The following COMMD8 variants were observed in gnomAD, a reference collection of about 807,000 sequenced individuals.
COMMD8 encodes the protein COMM domain containing 8.
COMMD8 carries 28 observed loss-of-function variants against 27.2 expected under a neutral mutation model. That is an observed-to-expected ratio of 1.03 (90% CI 0.76 to 1.41). The LOEUF (loss-of-function observed/expected upper bound fraction) is 1.41. Among genes scored for constraint, COMMD8 ranks in the 40% most tolerant of loss-of-function variants. COMMD8 has a pLI of 0.00. For synonymous variants in COMMD8, 79 were observed against 75.5 expected, an observed-to-expected ratio of 1.05 and a Z score of -0.24; for missense variants, 217 against 211.2, an observed-to-expected ratio of 1.03 and a Z score of -0.17.
At chr4:47,459,864 T>C (rs542685735) in intron 2 of COMMD8, 11 of 255,278 alleles carry the variant, frequency 4.3e-5, no homozygotes, top group East Asian at 8.6e-5. Flanking sequence ...AACACACACA[T>C]TGCAAAATGT....
intron 4 of COMMD8, 123 bp from the exon 5 acceptor site, chr4:47,451,788 G>A: frequency 3.2e-6 from 2 of 634,304 alleles, no homozygotes; most frequent in Non-Finnish European, 5.4e-6. Flanking sequence ...CAAGTACAAT[G>A]CACAGTAACT....
intron 3 of COMMD8, among the ~76,000 whole-genome samples, chr4:47,454,389 A>G (rs187024697): frequency 3.3e-5 from 5 of 152,254 alleles, no homozygotes; most frequent in African/African-American, 9.6e-5. Flanking sequence ...TTCCAGGTAC[A>G]TGGTCTCAGT....
chr4:47,460,298 A>T lies in COMMD8; in HGVS notation c.68T>A (p.Leu23His). 1 of 1,609,792 alleles carries T rather than the reference A, an allele frequency of 6.2e-7. No individual in the cohort carries two copies. The highest frequency in any genetic ancestry group is 1.3e-5 in the African/African-American group (1 of 74,904). ...AATGCCATCAATTATTTTGTGAAGA[A>T]GCTAGCAAGAAAAAAGGAAATAAAT... Reference protein sequence around the residue: ...QKLPAELGPQLLHKIIDGICG... With the variant: ...QKLPAELGPQHLHKIIDGICG... The change falls in exon 2 of 5, where the codon CTT becomes CAT. Residue 23 changes from leucine to histidine, a missense_variant and splice_region_variant. Physicochemically the swap from Leu to His is moderately conservative, Grantham distance 99. Transcript: ENST00000381571.
At chr4:47,456,539 A>C (rs1482557372) in intron 3 of COMMD8, 38 bp downstream of exon 3, 9 of 1,470,828 alleles carry the variant, frequency 6.1e-6, no homozygotes, top group Non-Finnish European at 6.3e-6. Context: ...TATATCCAAA[A>C]AATGAAATAA....
intron 2 of COMMD8, 43 bp from the exon 3 acceptor site, chr4:47,456,772 T>C (rs762860605): frequency 4.1e-6 from 6 of 1,474,302 alleles, no homozygotes; most frequent in Admixed American, 4.9e-5. Context: ...CTGTTTAAAA[T>C]GTAAAAACAC....
In COMMD8 at chr4:47,451,754, A is replaced by G. The variant is rs977006630; in HGVS notation, c.532-89T>C. On this transcript the variant is annotated intron_variant, in intron 4 of 4. Coordinates refer to ENST00000381571, the MANE Select transcript of COMMD8 (RefSeq NM_017845.5). ...TTAAATGCTTTGAAGTCTCTGAAAA[A>G]GGGCATGGAGAACTCATAACAAGCA... The G allele has an allele frequency of 8.3e-6, 8 of 960,616 alleles. 1 individual carries two copies. The South Asian group carries it at 1.0e-4, about 12-fold the overall frequency. 59.5% of individuals were successfully genotyped at this position (960,616 alleles called of 1,614,324 possible).
chr4:47,452,578 T>C (rs1729780554), intron 4 of COMMD8, among the ~76,000 whole-genome samples: 1 of 152,212 alleles, frequency 6.6e-6, no homozygotes, highest in Admixed American at 6.5e-5. Flanking sequence ...TTACAAGTTA[T>C]AATTAATATC....
intron 3 of COMMD8, among the ~76,000 whole-genome samples, chr4:47,456,262 TTATACATATATATATATATATA>T (rs1729881853): frequency 1.2e-5 from 1 of 80,850 alleles, no homozygotes; most frequent in African/African-American, 4.1e-5. Flanking sequence ...AATAAATAAA[TTATACATATATATATATATATA>T]TATATATATA....
chr4:47,456,994 G>A (rs112702489), intron 2 of COMMD8, among the ~76,000 whole-genome samples: 5 of 152,326 alleles, frequency 3.3e-5, no homozygotes, highest in African/African-American at 9.6e-5. Flanking sequence ...ATACCACCAC[G>A]CAGGGTGAGT....
Position 47,451,520 on chromosome 4 carries a change from T to C in COMMD8, c.*125A>G. The stretch of plus-strand genomic sequence containing the variant: ...TAAATTTTTATCTTTATAATATCAA[T>C]ATTGCTGCTTTCTCAGCCTGGTGCA... On this transcript the variant is annotated 3_prime_UTR_variant, in exon 5 of 5. Transcript: ENST00000381571. 2.8e-6 allele frequency: 2 copies of C among 726,068 alleles called. No homozygotes were observed. The highest frequency in any genetic ancestry group is 2.9e-5 in the East Asian group (1 of 34,270). The allele number at this position is 726,068 out of a possible 1,614,324, so 45.0% of individuals were successfully genotyped here. A position where few individuals can be genotyped will look rare whatever the true frequency, so the allele number is the denominator to read the frequency against.
rs552715232 is a variant in COMMD8 at position 47,451,251 on chromosome 4, T to C, written c.*394A>G. 4.9e-6 allele frequency: 1 copy of C among 202,704 alleles called. No homozygotes were observed. 12.6% of individuals were successfully genotyped at this position (202,704 alleles called of 1,614,324 possible). ...AAAAATATCACAAAGTATATATCCA[T>C]AATATATGTTGCTATTCACACAATT... is the stretch of plus-strand genomic sequence containing the variant. On this transcript the variant is annotated 3_prime_UTR_variant, in exon 5 of 5. Transcript: ENST00000381571.
intron 3 of COMMD8, among the ~76,000 whole-genome samples, chr4:47,454,652 G>A (rs944699228): frequency 3.9e-5 from 6 of 151,922 alleles, no homozygotes; most frequent in Admixed American, 6.6e-5. Context: ...GATCACCTGA[G>A]GTCGGGAGTT....
Position 47,461,502 on chromosome 4 carries a change from C to T in COMMD8, c.67-1203G>A, listed in dbSNP as rs1165429938. Among the ~76,000 whole-genome samples the T allele has an allele frequency of 7.2e-5, 11 of 152,018 alleles. No individual in the cohort carries two copies. In the South Asian group the frequency reaches 2.3e-3, roughly 32 times the overall value. On this transcript the variant is annotated intron_variant, in intron 1 of 4. Coordinates refer to ENST00000381571, the MANE Select transcript of COMMD8 (RefSeq NM_017845.5). ...CATTCAAAATTCTCTACACCTTATC[C>T]TATACTGTCCCCATGCTAAAAAAAA...
intron 3 of COMMD8, among the ~76,000 whole-genome samples, chr4:47,454,815 G>T (rs1729843069): frequency 8.1e-6 from 1 of 123,930 alleles, no homozygotes; most frequent in African/African-American, 3.1e-5. Flanking sequence ...GGTGAGCAGA[G>T]ATCGTGCCAT....
intron 2 of COMMD8, among the ~76,000 whole-genome samples, chr4:47,458,905 G>A (rs1394632232): frequency 1.3e-5 from 2 of 152,062 alleles, no homozygotes; most frequent in African/African-American, 2.4e-5. Flanking sequence ...AGGCAGCACA[G>A]CAATATTGTG....
Position 47,456,562 on chromosome 4 carries a change from C to T in COMMD8, c.375+15G>A. 6.3e-7 allele frequency: 1 copy of T among 1,582,452 alleles called. No homozygotes were observed. The highest frequency in any genetic ancestry group is 2.3e-5 in the East Asian group (1 of 42,952). Reference sequence around the variant, plus strand: ...AAAAATGAAATAAAAAATACACATACTCATAGACTCTTACCTTTACCTGCC... The same window carrying T: ...AAAAATGAAATAAAAAATACACATATTCATAGACTCTTACCTTTACCTGCC... On this transcript the variant is annotated intron_variant, in intron 3 of 4. Coordinates refer to ENST00000381571, the MANE Select transcript of COMMD8 (RefSeq NM_017845.5).
rs1729941836 is a variant in COMMD8, at chr4:47,458,332, A to ATCTCCCCCC, written c.223-1612_223-1604dup. Among the ~76,000 whole-genome samples the ATCTCCCCCC allele has an allele frequency of 2.6e-5, 4 of 152,226 alleles. No homozygotes were observed. In the East Asian group the frequency reaches 7.7e-4, roughly 29 times the overall value. ...TTGAAAAAGAAAATTATTATATACA[A>ATCTCCCCCC]TCTCCCCCCAAAAAATCTGTATACA... On this transcript the variant is annotated intron_variant, in intron 2 of 4. Coordinates refer to ENST00000381571, the MANE Select transcript of COMMD8 (RefSeq NM_017845.5).
chr4:47,454,590 G>T (rs1729836627), intron 3 of COMMD8, among the ~76,000 whole-genome samples: 1 of 152,142 alleles, frequency 6.6e-6, no homozygotes, highest in African/African-American at 2.4e-5. Flanking sequence ...ATTCTGTCAG[G>T]CACAGTGGCT....
rs776662027 is a variant in COMMD8 at position 47,456,589 on chromosome 4, A to G, written c.363T>C (p.Asp121=). The change falls in exon 3 of 5, where the codon GAT becomes GAC. Residue 121 remains aspartate, a synonymous_variant. Coordinates refer to ENST00000381571, the MANE Select transcript of COMMD8 (RefSeq NM_017845.5). The part of the protein sequence containing the change: ...AISSAQLQDF[D]WQVKLALSSD... The stretch of plus-strand genomic sequence containing the variant: ...CATAGACTCTTACCTTTACCTGCCA[A>G]TCAAAATCCTGTAGCTGTGCAGAGG... The G allele has an allele frequency of 5.6e-6, 9 of 1,605,660 alleles. No individual in the cohort carries two copies. The African/African-American group carries it at 8.1e-5, about 14-fold the overall frequency.
Sources: gnomAD v4.1 joint callset for allele counts (sites outside exome capture counted in the v4.1 genomes callset) on GRCh38, gnomAD v4.1.1 for gene constraint, MANE v1.5 for transcripts, NCBI Gene and HGNC (gene_info 2026-07-23, HGNC 2026-07-21) for gene names.